Variants in DAG1 observed in about 807,000 individuals in gnomAD.
DAG1 encodes the protein dystroglycan 1 (dystrophin-associated glycoprotein 1).
DAG1 carries 8 observed loss-of-function variants against 46.1 expected under a neutral mutation model. The ratio of observed to expected loss-of-function variants is 0.17; its 90% confidence interval spans 0.10 to 0.31. DAG1 has a LOEUF of 0.31. Ranked by LOEUF, DAG1 falls within the 10% of genes least tolerant of loss-of-function variation. The pLI is 1.00. For synonymous variants in DAG1, 495 were observed against 481.8 expected (o/e 1.03, Z -0.36); for missense variants, 1,003 against 1,189.9 (o/e 0.84, Z 2.31).
At chr3:49,499,880 T>C (rs1182136061) in intron 1 of DAG1, among the ~76,000 whole-genome samples, 1 of 152,204 alleles carries the variant, frequency 6.6e-6, no homozygotes, top group East Asian at 1.9e-4. Context: ...TGATAAACTT[T>C]AAATATACCT....
intron 1 of DAG1, among the ~76,000 whole-genome samples, chr3:49,497,904 T>C (rs1039925932): frequency 3.9e-5 from 6 of 152,212 alleles, no homozygotes; most frequent in Non-Finnish European, 7.3e-5. Flanking sequence ...GGTGGATTTA[T>C]ACCTAGGTTT....
At chr3:49,474,314 A>T (rs2106802274) in intron 1 of DAG1, among the ~76,000 whole-genome samples, 1 of 151,540 alleles carries the variant, frequency 6.6e-6, no homozygotes, top group South Asian at 2.1e-4. Flanking sequence ...TCGGCCTCCC[A>T]AAGTGCTGGG....
At chr3:49,522,449 C>A (rs547072893) in intron 2 of DAG1, among the ~76,000 whole-genome samples, 1 of 150,896 alleles carries the variant, frequency 6.6e-6, no homozygotes, top group Admixed American at 6.6e-5. Flanking sequence ...CAGGCTTGAG[C>A]CACCACGCCC....
At chr3:49,471,161 G>A (rs1324935383) in intron 1 of DAG1, 9 of 152,184 alleles carry the variant, frequency 5.9e-5, no homozygotes, top group Admixed American at 5.9e-4. Context: ...TTTTAATGGT[G>A]ACGATGAAGT....
At chr3:49,514,384 TC>T (rs2050839132) in intron 2 of DAG1, among the ~76,000 whole-genome samples, 1 of 152,252 alleles carries the variant, frequency 6.6e-6, no homozygotes, top group Admixed American at 6.5e-5. Flanking sequence ...TCTACCGTTT[TC>T]TATGCTCATC....
At chr3:49,527,130 G>A (rs1299675196) in intron 2 of DAG1, among the ~76,000 whole-genome samples, 5 of 150,850 alleles carry the variant, frequency 3.3e-5, no homozygotes, top group African/African-American at 1.2e-4. Flanking sequence ...GGTGGCTCAT[G>A]CCTGTAATCC....
At chr3:49,485,211 G>C (rs1178146471) in intron 1 of DAG1, among the ~76,000 whole-genome samples, 2 of 151,816 alleles carry the variant, frequency 1.3e-5, no homozygotes, top group African/African-American at 4.8e-5. Context: ...TCCTGACCTC[G>C]TGATCTGCCC....
In DAG1 at chr3:49,532,733, C is replaced by T. The variant is rs1413846189; in HGVS notation, c.2222C>T (p.Pro741Leu). ...APPTEVPDRD[P>L]EKSSEDDVYL... ...CCCACAGAAGTGCCTGACAGGGACC[C>T]TGAGAAGAGCAGTGAGGATGATGTC... Residue 741 changes from proline to leucine, a missense_variant, in exon 3 of 3, where the codon CCT becomes CTT. By Grantham distance (98) the Pro-to-Leu change is moderately conservative. Around this residue, in one of 3 missense-constraint regions of DAG1, gnomAD observed 755 missense variants for 854.1 expected, o/e 0.88. Transcript: ENST00000308775. This position sits in a 1 kb window ranked among gnomAD's most constrained non-coding sequence, Gnocchi z 5.4. 7 of 1,614,204 alleles carry T rather than the reference C, an allele frequency of 4.3e-6. No homozygotes were observed. Among genetic ancestry groups the T allele is most frequent in the Non-Finnish European group, 5.9e-6 (7 of 1,180,042 alleles).
At chr3:49,522,678 T>G (rs2051064608) in intron 2 of DAG1, among the ~76,000 whole-genome samples, 1 of 152,176 alleles carries the variant, frequency 6.6e-6, no homozygotes. Context: ...ATGCACTTTG[T>G]GGGTCAGGAT....
At chr3:49,478,882 C>T (rs1253674924) in intron 1 of DAG1, among the ~76,000 whole-genome samples, 2 of 126,792 alleles carry the variant, frequency 1.6e-5, no homozygotes, top group Non-Finnish European at 1.6e-5. Context: ...GGCGTAATCT[C>T]GGCTCATTGC....
At chr3:49,528,082 C>T (rs972404783) in intron 2 of DAG1, among the ~76,000 whole-genome samples, 2 of 152,066 alleles carry the variant, frequency 1.3e-5, no homozygotes, top group Non-Finnish European at 2.9e-5. Context: ...ACTTCTATCC[C>T]ACTCCTGTAA....
chr3:49,477,331 C>A (rs9827021), intron 1 of DAG1, among the ~76,000 whole-genome samples: 45,074 of 151,978 alleles, frequency 0.3, 7,173 homozygotes, highest in Middle Eastern at 0.31. Context: ...CTGTCTGTCA[C>A]CCATGCTGGA....
At chr3:49,473,198 G>C (rs960874809) in intron 1 of DAG1, among the ~76,000 whole-genome samples, 7 of 151,856 alleles carry the variant, frequency 4.6e-5, no homozygotes, top group East Asian at 3.9e-4. Flanking sequence ...GGTGGATCAC[G>C]AGGTCAGGAG....
chr3:49,469,974 G>A (rs1262489646), upstream of DAG1, among the ~76,000 whole-genome samples: 2 of 152,182 alleles, frequency 1.3e-5, no homozygotes, highest in African/African-American at 4.8e-5. Flanking sequence ...ACCGACCGCC[G>A]GGGTGTGTCC....
At chr3:49,477,259 A>C (rs775171972) in intron 1 of DAG1, among the ~76,000 whole-genome samples, 2 of 151,898 alleles carry the variant, frequency 1.3e-5, no homozygotes, top group Non-Finnish European at 2.9e-5. Flanking sequence ...GGCCTCCCAA[A>C]GTGCTGGGAT....
chr3:49,532,593 C>T lies in DAG1; in HGVS notation c.2082C>T (p.Asn694=), dbSNP rs146453412. The change falls in exon 3 of 3, where the codon AAC becomes AAT. Residue 694 remains asparagine, a synonymous_variant. Transcript: ENST00000308775. The surrounding 1 kb of genome is among the most constrained non-coding windows in gnomAD (Gnocchi z 5.4). The part of the protein sequence containing the change: ...DDGKPRPAFS[N]ALEPDFKATS... ...GAAAACCTCGGCCTGCCTTCTCCAA[C>T]GCCCTAGAGCCTGACTTTAAGGCCA... 709 of 1,612,404 alleles carry T rather than the reference C, an allele frequency of 4.4e-4. 1 individual carries two copies. Among genetic ancestry groups the T allele is most frequent in the African/African-American group, 2.4e-3 (182 of 74,990 alleles).
chr3:49,531,843 C>T lies in DAG1; in HGVS notation c.1332C>T (p.Thr444=), dbSNP rs2051357935. The part of the protein sequence containing the change: ...PATPSTDSTT[T]TTRRPTKKPR... ...CGCCTTCAACTGACTCCACCACCAC[C>T]ACGACTCGCAGGCCAACCAAGAAAC... The change falls in exon 3 of 3, where the codon ACC becomes ACT. Residue 444 remains threonine (T), a synonymous_variant. Transcript: ENST00000308775. The surrounding 1 kb of genome is among the most constrained non-coding windows in gnomAD (Gnocchi z 7.0). The T allele has an allele frequency of 1.2e-6, 2 of 1,613,928 alleles. No individual in the cohort carries two copies. Among genetic ancestry groups the T allele is most frequent in the Non-Finnish European group, 1.7e-6 (2 of 1,180,028 alleles).
At chr3:49,478,135 T>C (rs1169382302) in intron 1 of DAG1, among the ~76,000 whole-genome samples, 2 of 150,076 alleles carry the variant, frequency 1.3e-5, no homozygotes, top group African/African-American at 4.9e-5. Context: ...GGCGTGGTGG[T>C]GTGCGCCTGT....
chr3:49,522,952 C>T (rs1189889930), intron 2 of DAG1, among the ~76,000 whole-genome samples: 2 of 152,196 alleles, frequency 1.3e-5, no homozygotes, highest in Non-Finnish European at 2.9e-5. Flanking sequence ...CCTCTCCCAG[C>T]TCCAAGGCAG....
Sources: gnomAD v4.1 joint callset for allele counts (sites outside exome capture counted in the v4.1 genomes callset) on GRCh38, gnomAD v4.1.1 for gene constraint, gnomAD v4.1.1 regional missense constraint, Gnocchi (gnomAD v3.1) non-coding constraint, MANE v1.5 for transcripts, NCBI Gene and HGNC (gene_info 2026-07-23, HGNC 2026-07-21) for gene names.